MAML3: variants seen among roughly 807,000 people sequenced by gnomAD.
The protein encoded by MAML3 is mastermind-like protein 3.
A neutral mutation model predicts 101.9 loss-of-function variants in MAML3; 27 were observed. The ratio of observed to expected loss-of-function variants is 0.27; its 90% confidence interval spans 0.20 to 0.37. The LOEUF is 0.37. Among genes scored for constraint, MAML3 ranks in the 10% least tolerant of loss-of-function variants. MAML3 has a pLI of 1.00. For missense variants in MAML3, 1,316 were observed against 1,444.9 expected, an observed-to-expected ratio of 0.91 and a Z score of 1.45; for synonymous variants, 501 against 555.9, an observed-to-expected ratio of 0.90 and a Z score of 1.39.
intron 1 of MAML3, among the ~76,000 whole-genome samples, chr4:139,968,318 A>T (rs1010076950): frequency 6.6e-6 from 1 of 151,714 alleles, no homozygotes; most frequent in Non-Finnish European, 1.5e-5. Context: ...TTAAAAAAAA[A>T]AAAAAAAAGA....
At chr4:139,982,793 A>G (rs1292950720) in intron 1 of MAML3, among the ~76,000 whole-genome samples, 1 of 152,174 alleles carries the variant, frequency 6.6e-6, no homozygotes, top group Non-Finnish European at 1.5e-5. Context: ...TCCTAGCTTC[A>G]CTGTAACCTC....
In MAML3 at chr4:140,067,019, C is replaced by T. The variant is rs117355161; in HGVS notation, c.468+85841G>A. 9.5e-4 allele frequency among the ~76,000 whole-genome samples: 145 copies of T among 152,224 alleles called. 1 individual carries two copies. The East Asian group carries it at 0.025, about 26-fold the overall frequency. ...GGCCAGCATGACTTCTACGAGCAAC[C>T]GCAACAATAATGTTCATCTATGAAT... On this transcript the variant is annotated intron_variant, in intron 1 of 4. Coordinates refer to ENST00000509479, the MANE Select transcript of MAML3 (RefSeq NM_018717.5).
At chr4:139,756,148 T>C (rs1044877797) in intron 2 of MAML3, among the ~76,000 whole-genome samples, 2 of 152,210 alleles carry the variant, frequency 1.3e-5, no homozygotes, top group Admixed American at 1.3e-4. Context: ...GCAAAGCATG[T>C]AGGTTGTCCG....
At chr4:139,866,014 T>A (rs1299521928) in intron 2 of MAML3, among the ~76,000 whole-genome samples, 1 of 152,230 alleles carries the variant, frequency 6.6e-6, no homozygotes, top group Non-Finnish European at 1.5e-5. Context: ...CTTGGAGGTA[T>A]GGCCAGGAAT....
intron 2 of MAML3, among the ~76,000 whole-genome samples, chr4:139,790,461 C>G (rs890002737): frequency 6.6e-6 from 1 of 151,478 alleles, no homozygotes; most frequent in Non-Finnish European, 1.5e-5. Context: ...AGTATATTCA[C>G]GATGTTGCGC....
intron 2 of MAML3, among the ~76,000 whole-genome samples, chr4:139,804,340 C>T (rs1730667789): frequency 6.6e-6 from 1 of 151,240 alleles, no homozygotes; most frequent in Non-Finnish European, 1.5e-5. Flanking sequence ...GATCTTGACT[C>T]ACTGCAACCT....
chr4:140,108,116 T>A (rs1238739852), intron 1 of MAML3, among the ~76,000 whole-genome samples: 1 of 151,890 alleles, frequency 6.6e-6, no homozygotes, highest in Non-Finnish European at 1.5e-5. Flanking sequence ...CCTTTCCCCA[T>A]CCTCTATCCC....
chr4:139,911,672 G>A (rs1349861370), intron 1 of MAML3, among the ~76,000 whole-genome samples: 1 of 152,206 alleles, frequency 6.6e-6, no homozygotes, highest in African/African-American at 2.4e-5. Context: ...AGGTGATTAA[G>A]TCATGGCAGT....
intron 1 of MAML3, among the ~76,000 whole-genome samples, chr4:140,121,996 C>T (rs1560900285): frequency 1.3e-5 from 2 of 152,114 alleles, no homozygotes; most frequent in South Asian, 2.1e-4. Context: ...CTCCTTGCTG[C>T]CCCCATTTGA....
chr4:139,756,099 G>A (rs973729561), intron 2 of MAML3, among the ~76,000 whole-genome samples: 1 of 152,178 alleles, frequency 6.6e-6, no homozygotes, highest in African/African-American at 2.4e-5. Flanking sequence ...GCAACTTTCT[G>A]CAGAGTATTC....
At chr4:139,832,590 A>G (rs148854000) in intron 2 of MAML3, among the ~76,000 whole-genome samples, 20 of 152,340 alleles carry the variant, frequency 1.3e-4, no homozygotes, top group African/African-American at 4.3e-4. Context: ...TCCCCTGCAG[A>G]TGGACCTTGT....
At chr4:140,108,181 C>T (rs1395851579) in intron 1 of MAML3, among the ~76,000 whole-genome samples, 2 of 152,062 alleles carry the variant, frequency 1.3e-5, no homozygotes, top group Non-Finnish European at 2.9e-5. Flanking sequence ...GCCACGGCCT[C>T]ATTGTTCTAT....
At chr4:139,814,325 A>G (rs939561618) in intron 2 of MAML3, among the ~76,000 whole-genome samples, 2 of 152,210 alleles carry the variant, frequency 1.3e-5, no homozygotes, top group African/African-American at 2.4e-5. Flanking sequence ...TTCCTATCAT[A>G]TAAGGCTTAT....
intron 1 of MAML3, among the ~76,000 whole-genome samples, chr4:139,972,024 T>C (rs1734242301): frequency 6.6e-6 from 1 of 152,234 alleles, no homozygotes; most frequent in Non-Finnish European, 1.5e-5. Flanking sequence ...CTTTTGATGT[T>C]CTTTTAAATA....
intron 1 of MAML3, among the ~76,000 whole-genome samples, chr4:140,024,426 A>G (rs1726787321): frequency 6.6e-6 from 1 of 151,982 alleles, no homozygotes. Flanking sequence ...TGGGTGCCTC[A>G]CTTTGTTGCC....
intron 1 of MAML3, among the ~76,000 whole-genome samples, chr4:140,130,117 T>C (rs1728766637): frequency 6.6e-6 from 1 of 152,194 alleles, no homozygotes; most frequent in Non-Finnish European, 1.5e-5. Flanking sequence ...GAAAGTTAAC[T>C]TGGGAAAAAA....
chr4:140,106,246 T>G (rs949955666), intron 1 of MAML3, among the ~76,000 whole-genome samples: 1 of 152,202 alleles, frequency 6.6e-6, no homozygotes, highest in Non-Finnish European at 1.5e-5. Flanking sequence ...ATTCCCTGCT[T>G]GGAAGCAAGG....
intron 1 of MAML3, among the ~76,000 whole-genome samples, chr4:140,033,746 G>A (rs1726942779): frequency 1.3e-5 from 2 of 152,174 alleles, no homozygotes; most frequent in African/African-American, 4.8e-5. Context: ...CACCACACAG[G>A]GTTATCGGGA....
chr4:139,959,190 A>C (rs1247594721), intron 1 of MAML3, among the ~76,000 whole-genome samples: 1 of 152,228 alleles, frequency 6.6e-6, no homozygotes, highest in Non-Finnish European at 1.5e-5. Context: ...AGATGAAGAA[A>C]GGCAGTTAAC....
Sources: gnomAD v4.1 joint callset for allele counts (sites outside exome capture counted in the v4.1 genomes callset) on GRCh38, gnomAD v4.1.1 for gene constraint, MANE v1.5 for transcripts, NCBI Gene and HGNC (gene_info 2026-07-23, HGNC 2026-07-21) for gene names.